Variants in BAZ1A observed in about 807,000 individuals in gnomAD.
BAZ1A encodes bromodomain adjacent to zinc finger domain 1A.
Under a neutral mutation model 185.2 loss-of-function variants are expected in BAZ1A, and 50 were observed. The ratio of observed to expected loss-of-function variants is 0.27; its 90% CI spans 0.22 to 0.34. The LOEUF is 0.34. Ranked by LOEUF, BAZ1A falls within the 10% of genes least tolerant of loss-of-function variation. The pLI, the probability that BAZ1A is intolerant of heterozygous loss-of-function variation, is 1.00. For missense variants in BAZ1A, 1,356 were observed against 1,839.9 expected, an observed-to-expected ratio of 0.74 and a Z score of 4.81; for synonymous variants, 571 against 615.6, an observed-to-expected ratio of 0.93 and a Z score of 1.07.
chr14:34,872,642 C>T (rs11848648), intron 2 of BAZ1A, among the ~76,000 whole-genome samples: 2 of 152,062 alleles, frequency 1.3e-5, no homozygotes, highest in Non-Finnish European at 2.9e-5. Flanking sequence ...ACAGATAGTT[C>T]TGGAATGCGA....
chr14:34,812,926 T>A (rs1220195752), intron 4 of BAZ1A, among the ~76,000 whole-genome samples: 1 of 152,126 alleles, frequency 6.6e-6, no homozygotes, highest in Non-Finnish European at 1.5e-5. Context: ...AGTAGATGTA[T>A]TTAAATATGC....
Position 34,874,435 on chromosome 14 carries a change from GCGCTGCGGGGGGAGTCCCCACACCC to G in BAZ1A, c.113+32_113+56del. On this transcript the variant is annotated intron_variant, in intron 2 of 26. Transcript: ENST00000360310. This position sits in a 1 kb window ranked among gnomAD's most constrained non-coding sequence, Gnocchi z 4.7. ...CGAGGAAAAGGAGAGAGACAAAAGA[GCGCTGCGGGGGGAGTCCCCACACCC>G]CCCGCGGCCCCGCACACGGCCCGGC... 6.8e-7 allele frequency: 1 copy of G among 1,470,360 alleles called. No homozygotes were observed. The highest frequency in any genetic ancestry group is 9.5e-7 in the Non-Finnish European group (1 of 1,053,378). 91.1% of individuals were successfully genotyped at this position (1,470,360 alleles called of 1,614,324 possible). A position where few individuals can be genotyped will look rare whatever the true frequency, so the allele number is the denominator to read the frequency against.
intron 20 of BAZ1A, among the ~76,000 whole-genome samples, chr14:34,773,049 A>G (rs1212143135): frequency 1.3e-5 from 2 of 151,860 alleles, no homozygotes; most frequent in African/African-American, 2.4e-5. Flanking sequence ...CAACAACAAC[A>G]AAAACCAAGT....
intron 3 of BAZ1A, among the ~76,000 whole-genome samples, chr14:34,845,999 AGT>A (rs568131986): frequency 7.3e-4 from 111 of 152,204 alleles, no homozygotes; most frequent in Non-Finnish European, 1.4e-3. Flanking sequence ...CTGAAACTGT[AGT>A]AACCATGTAG....
At chr14:34,817,608 A>G (rs1328971723) in intron 4 of BAZ1A, among the ~76,000 whole-genome samples, 1 of 152,170 alleles carries the variant, frequency 6.6e-6, no homozygotes, top group Non-Finnish European at 1.5e-5. Flanking sequence ...ACAAAACAAA[A>G]CAACAACAAA....
Position 34,752,837 on chromosome 14 carries a change from T to C in BAZ1A, c.*671A>G, listed in dbSNP as rs1196743229. On this transcript the variant is annotated 3_prime_UTR_variant, in exon 27 of 27. Coordinates refer to ENST00000360310, the MANE Select transcript of BAZ1A (RefSeq NM_013448.3). ...GAACTGTCAGGAAAAAGGGAGGGTG[T>C]TACTTTTTTTGATTGATCATTAAGG... The C allele has an allele frequency of 6.6e-6, 1 of 152,258 alleles. No homozygotes were observed. The highest frequency in any genetic ancestry group is 1.5e-5 in the Non-Finnish European group (1 of 68,042). 9.4% of individuals were successfully genotyped at this position (152,258 alleles called of 1,614,324 possible). A position where few individuals can be genotyped will look rare whatever the true frequency, so the allele number is the denominator to read the frequency against.
intron 7 of BAZ1A, among the ~76,000 whole-genome samples, chr14:34,802,277 A>G (rs1479427777): frequency 6.6e-6 from 1 of 151,982 alleles, no homozygotes; most frequent in Non-Finnish European, 1.5e-5. Context: ...GTCCAGGCTA[A>G]AGTGCAATGT....
intron 2 of BAZ1A, among the ~76,000 whole-genome samples, chr14:34,868,898 A>ATGTGTG (rs3062620): frequency 2.5e-4 from 24 of 96,124 alleles, no homozygotes; most frequent in African/African-American, 7.7e-4. Flanking sequence ...GTAAGTATGT[A>ATGTGTG]TGTGTGTGTG....
intron 3 of BAZ1A, among the ~76,000 whole-genome samples, chr14:34,849,144 G>A (rs2042559956): frequency 6.6e-6 from 1 of 152,146 alleles, no homozygotes; most frequent in Admixed American, 6.6e-5. Flanking sequence ...TTTAAAATTA[G>A]CCAGGTGTGG....
chr14:34,794,762 A>C lies in BAZ1A; in HGVS notation c.1350T>G (p.Asp450Glu), dbSNP rs897782722. The C allele has an allele frequency of 6.2e-7, 1 of 1,613,914 alleles. No individual in the cohort carries two copies. The highest frequency in any genetic ancestry group is 8.5e-7 in the Non-Finnish European group (1 of 1,179,878). ...ELFDLQDEFPDGVTLEVLEEA... is the reference protein window; with the variant it reads ...ELFDLQDEFPEGVTLEVLEEA... ...TAAAGCACTTGCCTAGGGTTACTCC[A>C]TCAGGAAACTCATCTTGAAGATCAA... Residue 450 changes from aspartate to glutamate, a missense_variant, in exon 11 of 27, where the codon GAT (aspartate) becomes GAG (glutamate). Asp to Glu is a conservative substitution (Grantham distance 45). This residue lies in a region of BAZ1A where 184 missense variants were observed against 355.1 expected (regional missense o/e 0.52). Coordinates refer to ENST00000360310, the MANE Select transcript of BAZ1A (RefSeq NM_013448.3).
intron 20 of BAZ1A, among the ~76,000 whole-genome samples, chr14:34,772,250 G>A (rs773361047): frequency 7.2e-5 from 11 of 152,046 alleles, no homozygotes; most frequent in African/African-American, 9.7e-5. Flanking sequence ...CACTGCGCCT[G>A]GCCTAAAATG....
chr14:34,840,775 A>G (rs1405394987), intron 3 of BAZ1A, among the ~76,000 whole-genome samples: 1 of 109,764 alleles, frequency 9.1e-6, no homozygotes, highest in Admixed American at 1.2e-4. Flanking sequence ...AAACAAACAA[A>G]CAAACAAACA....
intron 12 of BAZ1A, among the ~76,000 whole-genome samples, chr14:34,787,859 T>C (rs558371121): frequency 6.6e-6 from 1 of 152,190 alleles, no homozygotes; most frequent in Non-Finnish European, 1.5e-5. Flanking sequence ...TTATAATACA[T>C]AGATTGATCA....
chr14:34,855,289 A>G (rs1240694906), intron 3 of BAZ1A, among the ~76,000 whole-genome samples: 2 of 152,190 alleles, frequency 1.3e-5, no homozygotes, highest in Non-Finnish European at 2.9e-5. Context: ...CACAGGCAGC[A>G]AACTGTTCAA....
intron 18 of BAZ1A, 101 bp downstream of exon 18, chr14:34,775,818 T>C: frequency 1.1e-6 from 1 of 871,980 alleles, no homozygotes; most frequent in African/African-American, 1.7e-5. Context: ...GATAAGGTGT[T>C]GTAAATGTAT....
At chr14:34,773,755 T>C in intron 19 of BAZ1A, 29 bp from the exon 20 acceptor site, 2 of 1,607,422 alleles carry the variant, frequency 1.2e-6, no homozygotes, top group Admixed American at 1.7e-5. Flanking sequence ...TTACTAACCA[T>C]GAAAAATGGA....
intron 3 of BAZ1A, among the ~76,000 whole-genome samples, chr14:34,860,609 A>C (rs1395621655): frequency 1.3e-5 from 2 of 151,574 alleles, no homozygotes; most frequent in African/African-American, 4.8e-5. Flanking sequence ...CCAATGTATT[A>C]AGAAATTAAG....
chr14:34,799,681 G>A (rs1881397785), intron 9 of BAZ1A, among the ~76,000 whole-genome samples: 1 of 151,170 alleles, frequency 6.6e-6, no homozygotes, highest in Non-Finnish European at 1.5e-5. Flanking sequence ...GCGTGATCTT[G>A]GCTCACTGTA....
chr14:34,813,760 C>T (rs1355008626), intron 4 of BAZ1A, among the ~76,000 whole-genome samples: 3 of 151,844 alleles, frequency 2.0e-5, no homozygotes, highest in Non-Finnish European at 4.4e-5. Context: ...AAAATTTCAG[C>T]CAGGTGTGGT....
Sources: gnomAD v4.1 joint callset for allele counts (sites outside exome capture counted in the v4.1 genomes callset) on GRCh38, gnomAD v4.1.1 for gene constraint, gnomAD v4.1.1 regional missense constraint, Gnocchi (gnomAD v3.1) non-coding constraint, MANE v1.5 for transcripts, NCBI Gene and HGNC (gene_info 2026-07-23, HGNC 2026-07-21) for gene names.